The following GRIN2B variants were observed in gnomAD, a reference collection of about 807,000 sequenced individuals.
The protein encoded by GRIN2B is glutamate receptor ionotropic, NMDA 2B.
GRIN2B carries 5 observed loss-of-function variants against 114.5 expected under a neutral mutation model. The observed-to-expected ratio is 0.04, with a 90% confidence interval of 0.02 to 0.09. GRIN2B has a LOEUF of 0.09. Ranked by LOEUF, GRIN2B falls within the 10% of genes least tolerant of loss-of-function variation. The pLI is 1.00. For synonymous variants in GRIN2B, 787 were observed against 745.1 expected (o/e 1.06, Z -0.92); for missense variants, 1,108 against 1,943.5 (o/e 0.57, Z 8.08).
chr12:13,958,872 G>C (rs1447710490), intron 2 of GRIN2B, among the ~76,000 whole-genome samples: 4 of 152,044 alleles, frequency 2.6e-5, no homozygotes, highest in African/African-American at 9.7e-5. Flanking sequence ...CTTTGAGAGA[G>C]GGGAAAAAAG....
intron 4 of GRIN2B, among the ~76,000 whole-genome samples, chr12:13,686,096 A>T (rs900871241): frequency 1.3e-5 from 2 of 152,150 alleles, no homozygotes; most frequent in Admixed American, 1.3e-4. Flanking sequence ...TATCAGTCAA[A>T]CCCACATCTT....
At chr12:13,890,852 C>A (rs1246716388) in intron 2 of GRIN2B, among the ~76,000 whole-genome samples, 1 of 152,164 alleles carries the variant, frequency 6.6e-6, no homozygotes. Flanking sequence ...TGCAGACTTT[C>A]CACCCTGGGA....
rs766223209 is a variant in GRIN2B at position 13,615,899 on chromosome 12, G to A, written c.1329-235C>T. 6.6e-6 allele frequency among the ~76,000 whole-genome samples: 1 copy of A among 152,000 alleles called. No individual in the cohort carries two copies. The highest frequency in any genetic ancestry group is 2.4e-5 in the African/African-American group (1 of 41,364). ...CTCTTAATTTTAATTCTCCTTTGAA[G>A]TACAAAATACATAAGAAAAGGGTGC... On this transcript the variant is annotated intron_variant, in intron 6 of 13. Transcript: ENST00000609686. This position sits in a 1 kb window ranked among gnomAD's most constrained non-coding sequence, Gnocchi z 5.8.
At chr12:13,803,854 C>T (rs548413697) in intron 3 of GRIN2B, among the ~76,000 whole-genome samples, 3 of 152,250 alleles carry the variant, frequency 2.0e-5, no homozygotes, top group African/African-American at 4.8e-5. Flanking sequence ...GCTGATGTAG[C>T]GAGTCAACCC....
At chr12:13,635,999 T>C (rs562501361) in intron 5 of GRIN2B, among the ~76,000 whole-genome samples, 7 of 152,250 alleles carry the variant, frequency 4.6e-5, no homozygotes, top group African/African-American at 1.4e-4. Flanking sequence ...TAAACAAATA[T>C]ATAGCAAAAT....
In GRIN2B at chr12:13,692,760, C is replaced by CTTTCTTTTTTTTTT. The variant is rs1427827056; in HGVS notation, c.1011-16902_1011-16901insAAAAAAAAAAGAAA. ...ACTTATTTTCATTAATCTTTCTTTT[C>CTTTCTTTTTTTTTT]TTTTTTTTTTTTTTTTTTTTTTTTT... On this transcript the variant is annotated intron_variant, in intron 4 of 13. Transcript: ENST00000609686. Among the ~76,000 whole-genome samples the CTTTCTTTTTTTTTT allele has an allele frequency of 5.7e-3, 297 of 52,034 alleles. 33 individuals carry two copies. Among genetic ancestry groups the CTTTCTTTTTTTTTT allele is most frequent in the African/African-American group, 8.8e-3 (93 of 10,524 alleles). 34.1% of individuals were successfully genotyped at this position (52,034 alleles called of 152,430 possible). A position where few individuals can be genotyped will look rare whatever the true frequency, so the allele number is the denominator to read the frequency against.
intron 2 of GRIN2B, among the ~76,000 whole-genome samples, chr12:13,883,567 T>C (rs1481168333): frequency 6.6e-6 from 1 of 152,164 alleles, no homozygotes; most frequent in Non-Finnish European, 1.5e-5. Context: ...GTGAAAATTT[T>C]TTTCAATGTT....
chr12:13,814,079 G>A (rs920298785), intron 3 of GRIN2B, among the ~76,000 whole-genome samples: 4 of 152,226 alleles, frequency 2.6e-5, no homozygotes, highest in African/African-American at 7.2e-5. Context: ...AGTTACCATA[G>A]ACAAAAAGTC....
chr12:13,640,579 G>T (rs978618757), intron 5 of GRIN2B, among the ~76,000 whole-genome samples: 2 of 152,052 alleles, frequency 1.3e-5, no homozygotes, highest in African/African-American at 4.8e-5. Flanking sequence ...CCTTTATTCC[G>T]AATCTGGCTT....
chr12:13,589,806 C>T (rs1233766466), intron 10 of GRIN2B, among the ~76,000 whole-genome samples: 1 of 152,076 alleles, frequency 6.6e-6, no homozygotes, highest in Non-Finnish European at 1.5e-5. Context: ...GCTCTCTGGG[C>T]TGGGAATGGA....
rs561813198 is a variant in GRIN2B, at chr12:13,666,637, C to T, written c.1125+9108G>A. ...AATGTTTGTACCACAGGCTGCTTGG[C>T]AGAGTTAACATGCCAAGGTCAGAGC... On this transcript the variant is annotated intron_variant, in intron 5 of 13. Transcript: ENST00000609686. Among the ~76,000 whole-genome samples, 8 of 152,142 alleles carry T rather than the reference C, an allele frequency of 5.3e-5. No individual in the cohort carries two copies. In the South Asian group the frequency reaches 1.7e-3, roughly 32 times the overall value.
chr12:13,773,995 G>C (rs1164494126), intron 3 of GRIN2B, among the ~76,000 whole-genome samples: 3 of 152,134 alleles, frequency 2.0e-5, no homozygotes, highest in Non-Finnish European at 2.9e-5. Context: ...ACAGTGTCTA[G>C]TACTGGACCA....
intron 4 of GRIN2B, among the ~76,000 whole-genome samples, chr12:13,732,533 G>C (rs768708835): frequency 1.3e-5 from 2 of 152,136 alleles, no homozygotes; most frequent in African/African-American, 4.8e-5. Flanking sequence ...AACTTCAGCC[G>C]ACCTAGACAA....
In GRIN2B at chr12:13,849,310, A is replaced by G. The variant is rs374872329; in HGVS notation, c.411+16488T>C. ...CCAGAGCAAAGCTTCCGTGGCTTAT[A>G]TGAGTGTAACTGGACCTACAGCTGT... On this transcript the variant is annotated intron_variant, in intron 3 of 13. Coordinates refer to ENST00000609686, the MANE Select transcript of GRIN2B (RefSeq NM_000834.5). Among the ~76,000 whole-genome samples, 12 of 152,012 alleles carry G rather than the reference A, an allele frequency of 7.9e-5. No homozygotes were observed. In the East Asian group the frequency reaches 1.2e-3, roughly 15 times the overall value.
chr12:13,875,833 C>G (rs193227177), intron 2 of GRIN2B, among the ~76,000 whole-genome samples: 1 of 152,146 alleles, frequency 6.6e-6, no homozygotes, highest in Non-Finnish European at 1.5e-5. Context: ...CTGTGAAGAT[C>G]GATTCATTTG....
intron 4 of GRIN2B, among the ~76,000 whole-genome samples, chr12:13,680,176 T>C (rs1950114657): frequency 6.6e-6 from 1 of 152,126 alleles, no homozygotes; most frequent in Non-Finnish European, 1.5e-5. Flanking sequence ...CAATTTAACT[T>C]TCCATAAGAC....
At chr12:13,794,559 A>T (rs1864383400) in intron 3 of GRIN2B, among the ~76,000 whole-genome samples, 1 of 152,250 alleles carries the variant, frequency 6.6e-6, no homozygotes, top group Non-Finnish European at 1.5e-5. Flanking sequence ...GTGGCATCCA[A>T]GAAAATAAAA....
chr12:13,939,229 T>C (rs910711035), intron 2 of GRIN2B, among the ~76,000 whole-genome samples: 4 of 152,210 alleles, frequency 2.6e-5, no homozygotes, highest in Admixed American at 1.3e-4. Flanking sequence ...ATTCTTGATA[T>C]GGTTTGGATG....
chr12:13,748,809 G>A (rs1392227413), intron 4 of GRIN2B, among the ~76,000 whole-genome samples: 1 of 152,130 alleles, frequency 6.6e-6, no homozygotes, highest in African/African-American at 2.4e-5. Context: ...GCCAGATTTA[G>A]CAAATAAAAC....
Sources: gnomAD v4.1 joint callset for allele counts (sites outside exome capture counted in the v4.1 genomes callset) on GRCh38, gnomAD v4.1.1 for gene constraint, Gnocchi (gnomAD v3.1) non-coding constraint, MANE v1.5 for transcripts, NCBI Gene and HGNC (gene_info 2026-07-23, HGNC 2026-07-21) for gene names.